Variants in RYR3 observed in about 807,000 individuals in gnomAD.
The protein encoded by RYR3 is ryanodine receptor 3.
A neutral mutation model predicts 584.3 loss-of-function variants in RYR3; 207 were observed. That is an observed-to-expected ratio of 0.35 (90% CI 0.32 to 0.40). The LOEUF is 0.40. Ranked by LOEUF, RYR3 falls within the 10% of genes least tolerant of loss-of-function variation. RYR3 has a pLI of 1.00. For missense variants in RYR3, 5,616 were observed against 6,089.2 expected, an observed-to-expected ratio of 0.92 and a Z score of 2.59; for synonymous variants, 2,416 against 2,248.5, an observed-to-expected ratio of 1.07 and a Z score of -2.11.
chr15:33,864,889 G>A, intron 103 of RYR3: 2 of 467,316 alleles, frequency 4.3e-6, no homozygotes, highest in Non-Finnish European at 7.6e-6. Flanking sequence ...ATTGGTTTCA[G>A]TTTTGCTTGT....
chr15:33,427,573 G>C (rs1033022249), intron 1 of RYR3, among the ~76,000 whole-genome samples: 2 of 152,100 alleles, frequency 1.3e-5, no homozygotes, highest in Non-Finnish European at 2.9e-5. Context: ...AATACTTTTT[G>C]GGATGACAAT....
At chr15:33,424,178 C>T (rs2044436734) in intron 1 of RYR3, among the ~76,000 whole-genome samples, 1 of 152,172 alleles carries the variant, frequency 6.6e-6, no homozygotes. Context: ...TGGTCTGAGT[C>T]CCAGCTCTGC....
intron 94 of RYR3, chr15:33,849,532 TATCCAA>T (rs1232499073): frequency 6.6e-6 from 1 of 152,218 alleles, no homozygotes; most frequent in Non-Finnish European, 1.5e-5. Context: ...TTCCTGTAAC[TATCCAA>T]AAAGTGGCCA....
intron 86 of RYR3, among the ~76,000 whole-genome samples, chr15:33,831,577 A>G (rs915260702): frequency 1.3e-5 from 2 of 152,260 alleles, no homozygotes; most frequent in Admixed American, 1.3e-4. Context: ...AAGTAACTTC[A>G]GAAGCGCACA....
At chr15:33,444,724 A>C (rs2046487696) in intron 1 of RYR3, among the ~76,000 whole-genome samples, 1 of 152,186 alleles carries the variant, frequency 6.6e-6, no homozygotes, top group Non-Finnish European at 1.5e-5. Context: ...AGCTGGCAAA[A>C]GAGCATTGCA....
chr15:33,641,468 A>T (rs1478764486), intron 27 of RYR3, among the ~76,000 whole-genome samples: 1 of 152,234 alleles, frequency 6.6e-6, no homozygotes, highest in Admixed American at 6.5e-5. Context: ...GAAGAGTTAT[A>T]AAGTTACAAG....
At chr15:33,601,053 C>T (rs951004659) in intron 16 of RYR3, among the ~76,000 whole-genome samples, 8 of 152,066 alleles carry the variant, frequency 5.3e-5, no homozygotes, top group Non-Finnish European at 1.2e-4. Context: ...CTAGATGCCT[C>T]GCCACACCTT....
Position 33,662,898 on chromosome 15 carries a change from C to T in RYR3, c.5368C>T (p.Pro1790Ser), listed in dbSNP as rs764131006. The change falls in exon 35 of 104, where the codon CCT becomes TCT. Residue 1790 changes from proline (P) to serine (S), a missense_variant. Coordinates refer to ENST00000634891, the MANE Select transcript of RYR3 (RefSeq NM_001036.6). ...EAGEKAGKEAPVKGLLQTRLP... is the reference protein window; with the variant it reads ...EAGEKAGKEASVKGLLQTRLP... ...TGGGGAGAAGGCCGGCAAGGAGGCT[C>T]CTGTCAAAGGCTTGTTGCAGACTCG... is the stretch of plus-strand genomic sequence containing the variant. 4 of 1,613,378 alleles carry T rather than the reference C, an allele frequency of 2.5e-6. No individual in the cohort carries two copies. The highest frequency in any genetic ancestry group is 3.4e-6 in the Non-Finnish European group (4 of 1,179,864).
At chr15:33,509,683 G>A (rs151149121) in intron 3 of RYR3, among the ~76,000 whole-genome samples, 222 of 152,292 alleles carry the variant, frequency 1.5e-3, no homozygotes, top group African/African-American at 5.0e-3. Context: ...GCCCATGTAT[G>A]TGTCAAGTCC....
chr15:33,364,884 G>C (rs1975263242), intron 1 of RYR3, among the ~76,000 whole-genome samples: 1 of 152,148 alleles, frequency 6.6e-6, no homozygotes, highest in Non-Finnish European at 1.5e-5. Flanking sequence ...ACAGGAAAGA[G>C]GGCTCATTAA....
At chr15:33,642,818 C>T (rs1398277910) in intron 27 of RYR3, among the ~76,000 whole-genome samples, 1 of 152,178 alleles carries the variant, frequency 6.6e-6, no homozygotes, top group African/African-American at 2.4e-5. Flanking sequence ...GGTAGGGGTC[C>T]TAGTCTGTCC....
intron 82 of RYR3, 77 bp from the exon 83 acceptor site, chr15:33,826,175 G>T: frequency 6.9e-7 from 1 of 1,455,560 alleles, no homozygotes. Flanking sequence ...CACATAGCCA[G>T]TTTTAACTAA....
intron 9 of RYR3, 128 bp from the exon 10 acceptor site, chr15:33,550,032 G>A (rs550989899): frequency 5.1e-5 from 47 of 925,038 alleles, no homozygotes; most frequent in African/African-American, 2.4e-4. Context: ...AGCCTGGTGC[G>A]TTTTCCCTTA....
At chr15:33,463,667 C>G (rs1567293485) in intron 1 of RYR3, among the ~76,000 whole-genome samples, 1 of 152,214 alleles carries the variant, frequency 6.6e-6, no homozygotes, top group Non-Finnish European at 1.5e-5. Context: ...GCCGCTACAT[C>G]TCCCTAATCA....
At chr15:33,842,183 C>G (rs2078412871) in intron 91 of RYR3, 148 bp downstream of exon 91, 3 of 905,238 alleles carry the variant, frequency 3.3e-6, no homozygotes, top group Non-Finnish European at 4.9e-6. Flanking sequence ...ATGTGTCTAC[C>G]TATTCCTTTT....
rs776190758 is a variant in RYR3, at chr15:33,696,232, C to T, written c.5875C>T (p.Leu1959Phe). 1.2e-6 allele frequency: 2 copies of T among 1,613,492 alleles called. No individual in the cohort carries two copies. The highest frequency in any genetic ancestry group is 8.5e-7 in the Non-Finnish European group (1 of 1,179,668). ...TGTCCTTCCAGCAACATTGAAGGAA[C>T]TCATCTCACAGACGATGATCTGCTG... ...EERCPTTLKE[L>F]ISQTMICWAQ... The change falls in exon 39 of 104, where the codon CTC becomes TTC. Residue 1959 changes from leucine (L) to phenylalanine (F), a missense_variant. Physicochemically the swap from Leu to Phe is conservative, Grantham distance 22. Around this residue, in one of 9 missense-constraint regions of RYR3, gnomAD observed 1,280 missense variants for 1,426.2 expected, o/e 0.90. Transcript: ENST00000634891.
At chr15:33,664,589 G>GTGTGTATATATATATATATATA (rs577496539) in intron 36 of RYR3, among the ~76,000 whole-genome samples, 9 of 91,368 alleles carry the variant, frequency 9.9e-5, no homozygotes, top group South Asian at 5.0e-4. Context: ...GTGTGTGTGT[G>GTGTGTATATATATATATATATA]TATATATATA....
At chr15:33,783,036 T>C (rs2074477342) in intron 65 of RYR3, among the ~76,000 whole-genome samples, 1 of 152,224 alleles carries the variant, frequency 6.6e-6, no homozygotes, top group South Asian at 2.1e-4. Context: ...ATTCCAATTC[T>C]AATGTAAGCC....
chr15:33,616,411 G>A (rs954482061), intron 19 of RYR3, among the ~76,000 whole-genome samples: 34 of 152,142 alleles, frequency 2.2e-4, no homozygotes, highest in South Asian at 2.1e-4. Context: ...GACAAGAACC[G>A]CAGTTAGCAG....
Sources: gnomAD v4.1 joint callset for allele counts (sites outside exome capture counted in the v4.1 genomes callset) on GRCh38, gnomAD v4.1.1 for gene constraint, gnomAD v4.1.1 regional missense constraint, MANE v1.5 for transcripts, NCBI Gene and HGNC (gene_info 2026-07-23, HGNC 2026-07-21) for gene names.